MAP2K6: variants seen among roughly 807,000 people sequenced by gnomAD.
MAP2K6 encodes mitogen-activated protein kinase kinase 6.
MAP2K6 carries 16 observed loss-of-function variants against 53.7 expected under a neutral mutation model. That is an observed-to-expected ratio of 0.30 (90% CI 0.20 to 0.45). The LOEUF (loss-of-function observed/expected upper bound fraction) is 0.45, where lower values mean the gene tolerates loss of function less well. MAP2K6 is among the 20% of genes least tolerant of loss of function. The pLI is 1.00. For missense variants in MAP2K6, 204 were observed against 411.9 expected (o/e 0.50, Z 4.37); for synonymous variants, 132 against 143.1 (o/e 0.92, Z 0.55).
intron 1 of MAP2K6, among the ~76,000 whole-genome samples, chr17:69,425,248 G>GT (rs1906230607): frequency 6.6e-6 from 1 of 151,994 alleles, no homozygotes; most frequent in African/African-American, 2.4e-5. Context: ...GGAATTGCCT[G>GT]TTTTTGTGGC....
intron 1 of MAP2K6, among the ~76,000 whole-genome samples, chr17:69,421,453 G>A (rs920018893): frequency 6.6e-6 from 1 of 152,106 alleles, no homozygotes; most frequent in Non-Finnish European, 1.5e-5. Context: ...AGTGATTTCT[G>A]CATCCTGTGC....
intron 1 of MAP2K6, among the ~76,000 whole-genome samples, chr17:69,472,661 C>G (rs1432236729): frequency 2.0e-5 from 3 of 152,134 alleles, no homozygotes; most frequent in African/African-American, 4.8e-5. Context: ...ATCTGGCCAC[C>G]CTGAACTGGA....
chr17:69,425,933 A>C (rs1227774311), intron 1 of MAP2K6, among the ~76,000 whole-genome samples: 3 of 152,002 alleles, frequency 2.0e-5, no homozygotes, highest in Non-Finnish European at 4.4e-5. Flanking sequence ...TTCACAGTTT[A>C]TTTACCCCTT....
chr17:69,547,762 G>A lies in MAP2K6; in HGVS notation c.*6009G>A, dbSNP rs1202209043. 2 of 152,230 alleles carry A rather than the reference G, an allele frequency of 1.3e-5. No individual in the cohort carries two copies. The highest frequency in any genetic ancestry group is 4.8e-5 in the African/African-American group (2 of 41,462). 9.4% of individuals were successfully genotyped at this position (152,230 alleles called of 1,614,324 possible). ...AAGTACTTACTTTTTCCATTTCTAT[G>A]CAATCACCAACATAATTTACTTCAA... is the stretch of plus-strand genomic sequence containing the variant. On this transcript the variant is annotated 3_prime_UTR_variant, in exon 12 of 12. Coordinates refer to ENST00000590474, the MANE Select transcript of MAP2K6 (RefSeq NM_002758.4).
intron 1 of MAP2K6, among the ~76,000 whole-genome samples, chr17:69,435,745 C>T (rs1906620458): frequency 6.6e-6 from 1 of 151,768 alleles, no homozygotes; most frequent in South Asian, 2.1e-4. Flanking sequence ...GATCTCGGCT[C>T]ACTGCAACCT....
intron 10 of MAP2K6, among the ~76,000 whole-genome samples, chr17:69,528,215 T>C (rs554722569): frequency 2.6e-5 from 4 of 151,814 alleles, no homozygotes; most frequent in South Asian, 2.1e-4. Flanking sequence ...GCTCTTCGAC[T>C]CTTTGTTAGC....
At chr17:69,539,778 G>T (rs555930873) in intron 11 of MAP2K6, among the ~76,000 whole-genome samples, 7 of 152,326 alleles carry the variant, frequency 4.6e-5, no homozygotes, top group Non-Finnish European at 7.3e-5. Context: ...TGTTTTGATA[G>T]TAAAAAGCTT....
At chr17:69,436,205 T>G (rs1205016738) in intron 1 of MAP2K6, among the ~76,000 whole-genome samples, 1 of 152,188 alleles carries the variant, frequency 6.6e-6, no homozygotes, top group Non-Finnish European at 1.5e-5. Context: ...TCTGCTATCC[T>G]AATCCCTCAC....
chr17:69,505,997 G>A (rs2074027), intron 2 of MAP2K6, 151 bp downstream of exon 2: 365,776 of 599,580 alleles, frequency 0.61, 113,714 homozygotes, highest in African/African-American at 0.74. Context: ...ACCTGAAATA[G>A]TCATCTTATC....
rs536941562 is a variant in MAP2K6, at chr17:69,525,053, G to T, written c.741+75G>T. On this transcript the variant is annotated intron_variant, in intron 9 of 11. Transcript: ENST00000590474. Reference sequence around the variant, plus strand: ...AGAATGAGGTGGACGTTGGGTTCAAGAAACAAATGCCCTAAATGCTGGTTT... The same window carrying T: ...AGAATGAGGTGGACGTTGGGTTCAATAAACAAATGCCCTAAATGCTGGTTT... 8 of 1,279,640 alleles carry T rather than the reference G, an allele frequency of 6.3e-6. No homozygotes were observed. In the East Asian group the frequency reaches 1.9e-4, roughly 30 times the overall value. 79.3% of individuals were successfully genotyped at this position (1,279,640 alleles called of 1,614,324 possible). A position where few individuals can be genotyped will look rare whatever the true frequency, so the allele number is the denominator to read the frequency against.
intron 11 of MAP2K6, among the ~76,000 whole-genome samples, 161 bp downstream of exon 11, chr17:69,536,321 C>A (rs764483163): frequency 7.9e-5 from 12 of 152,176 alleles, no homozygotes; most frequent in Non-Finnish European, 1.6e-4. Context: ...AAGAGTTCAT[C>A]CTACATCCTT....
At position 69,519,418 on chromosome 17, in the gene MAP2K6, G is replaced by A. The variant is rs1168475716; in HGVS notation, c.352G>A (p.Ala118Thr). 4 of 1,614,098 alleles carry A rather than the reference G, an allele frequency of 2.5e-6. No individual in the cohort carries two copies. Among genetic ancestry groups the A allele is most frequent in the Non-Finnish European group, 3.4e-6 (4 of 1,179,968 alleles). The change falls in exon 5 of 12, where the codon GCA becomes ACA. Residue 118 changes from alanine (A) to threonine (T), a missense_variant. This residue lies in a region of MAP2K6 where 129 missense variants were observed against 247.1 expected (regional missense o/e 0.52). Transcript: ENST00000590474. The part of the protein sequence containing the change: ...DCPFTVTFYG[A>T]LFREGDVWIC... ...TCCATTCACTGTCACCTTTTATGGCGCACTGTTTCGGGAGGTAGGTGACCC... is the reference window on the plus strand; with the variant it reads ...TCCATTCACTGTCACCTTTTATGGCACACTGTTTCGGGAGGTAGGTGACCC...
chr17:69,482,931 G>A (rs575755417), intron 1 of MAP2K6, among the ~76,000 whole-genome samples: 3 of 151,776 alleles, frequency 2.0e-5, no homozygotes, highest in Non-Finnish European at 2.9e-5. Flanking sequence ...CGAGGAGATG[G>A]CAGTAGTTTC....
chr17:69,463,804 G>A (rs966117192), intron 1 of MAP2K6, among the ~76,000 whole-genome samples: 66 of 152,064 alleles, frequency 4.3e-4, no homozygotes, highest in African/African-American at 1.5e-3. Flanking sequence ...GATCACCTGA[G>A]GTCAGGAGTT....
intron 1 of MAP2K6, among the ~76,000 whole-genome samples, chr17:69,451,084 C>T (rs1193450825): frequency 6.6e-6 from 1 of 152,176 alleles, no homozygotes; most frequent in African/African-American, 2.4e-5. Context: ...AACCTCAGCG[C>T]ATCCTGGAGG....
At chr17:69,506,905 G>A (rs1371389522) in intron 2 of MAP2K6, among the ~76,000 whole-genome samples, 1 of 152,086 alleles carries the variant, frequency 6.6e-6, no homozygotes, top group Non-Finnish European at 1.5e-5. Flanking sequence ...ATCTGCAGGA[G>A]GAAGATCCGT....
chr17:69,440,139 C>T (rs1165068872), intron 1 of MAP2K6, among the ~76,000 whole-genome samples: 2 of 152,042 alleles, frequency 1.3e-5, no homozygotes, highest in South Asian at 2.1e-4. Flanking sequence ...CTTCCACCTC[C>T]TGGGTTCAAG....
At chr17:69,480,160 G>C (rs572993747) in intron 1 of MAP2K6, among the ~76,000 whole-genome samples, 11 of 152,230 alleles carry the variant, frequency 7.2e-5, no homozygotes, top group Non-Finnish European at 1.6e-4. Flanking sequence ...ATGTTCTGGA[G>C]AGCCGAGCAT....
At chr17:69,479,465 A>G (rs2145189944) in intron 1 of MAP2K6, among the ~76,000 whole-genome samples, 1 of 152,282 alleles carries the variant, frequency 6.6e-6, no homozygotes, top group South Asian at 2.1e-4. Flanking sequence ...AATAAACTTT[A>G]TGTTTAGACT....
Sources: allele counts gnomAD v4.1 joint callset (sites outside exome capture counted in the v4.1 genomes callset), GRCh38; gene constraint gnomAD v4.1.1; regional missense constraint gnomAD v4.1.1; transcripts MANE v1.5; gene names NCBI Gene and HGNC (gene_info 2026-07-23, HGNC 2026-07-21).